CHCHD6: variants seen among roughly 807,000 people sequenced by gnomAD.
CHCHD6 encodes the protein coiled-coil-helix-coiled-coil-helix domain containing 6, also known as MICOS complex subunit MIC25.
CHCHD6 carries 28 observed loss-of-function variants against 32.3 expected under a neutral mutation model. That is an observed-to-expected ratio of 0.87 (90% CI 0.64 to 1.19). The LOEUF is 1.19. CHCHD6 is among the 50% of genes most tolerant of loss of function. The pLI is 0.00. For missense variants in CHCHD6, 333 were observed against 307.0 expected, an observed-to-expected ratio of 1.08 and a Z score of -0.63; for synonymous variants, 122 against 117.5, an observed-to-expected ratio of 1.04 and a Z score of -0.25.
intron 4 of CHCHD6, among the ~76,000 whole-genome samples, chr3:126,744,072 C>G (rs1220244696): frequency 1.3e-5 from 2 of 152,264 alleles, no homozygotes; most frequent in East Asian, 3.9e-4. Flanking sequence ...GTGTGTGGAT[C>G]AAGTGGGGCA....
rs756724510 is a variant in CHCHD6, at chr3:126,704,448, G to C, written c.87+49G>C. On this transcript the variant is annotated intron_variant, in intron 1 of 7. Transcript: ENST00000290913. ...GGCGGGCGTGGAGGCCGCGGGCGCG[G>C]GGGGGAGGTGCGGGGCGGAGCGCAG... 9.6e-5 allele frequency: 120 copies of C among 1,250,786 alleles called. 1 individual carries two copies. Among genetic ancestry groups the C allele is most frequent in the Middle Eastern group, 8.6e-4 (3 of 3,478 alleles). The allele number at this position is 1,250,786 out of a possible 1,614,324, so 77.5% of individuals were successfully genotyped here. A position where few individuals can be genotyped will look rare whatever the true frequency, so the allele number is the denominator to read the frequency against.
intron 4 of CHCHD6, among the ~76,000 whole-genome samples, chr3:126,783,763 C>T (rs578140631): frequency 1.3e-5 from 2 of 149,710 alleles, no homozygotes; most frequent in East Asian, 3.9e-4. Flanking sequence ...TTTTGATCAG[C>T]AGCTGTGATC....
chr3:126,752,530 T>C (rs1936769798), intron 4 of CHCHD6, among the ~76,000 whole-genome samples: 1 of 152,196 alleles, frequency 6.6e-6, no homozygotes, highest in Non-Finnish European at 1.5e-5. Context: ...CTGGTAGCTT[T>C]GAGACTGATT....
At chr3:126,935,529 A>G (rs1296585380) in intron 6 of CHCHD6, among the ~76,000 whole-genome samples, 1 of 152,342 alleles carries the variant, frequency 6.6e-6, no homozygotes, top group East Asian at 1.9e-4. Flanking sequence ...TGGGATAGCT[A>G]TTGTAACAGA....
chr3:126,791,127 G>A (rs1252779210), intron 4 of CHCHD6, among the ~76,000 whole-genome samples: 1 of 152,248 alleles, frequency 6.6e-6, no homozygotes, highest in African/African-American at 2.4e-5. Context: ...AGTGGAGGCT[G>A]CAGAACAGCA....
At chr3:126,803,976 C>G (rs1049161634) in intron 4 of CHCHD6, among the ~76,000 whole-genome samples, 2 of 152,038 alleles carry the variant, frequency 1.3e-5, no homozygotes, top group Admixed American at 6.5e-5. Flanking sequence ...GGATACATAA[C>G]GAAATGAAGG....
At chr3:126,783,541 G>C (rs1938052392) in intron 4 of CHCHD6, among the ~76,000 whole-genome samples, 1 of 152,208 alleles carries the variant, frequency 6.6e-6, no homozygotes, top group South Asian at 2.1e-4. Flanking sequence ...CTTATATATA[G>C]AAGTTCCTAA....
At chr3:126,857,187 C>A (rs969791300) in intron 5 of CHCHD6, among the ~76,000 whole-genome samples, 1 of 152,132 alleles carries the variant, frequency 6.6e-6, no homozygotes, top group Non-Finnish European at 1.5e-5. Context: ...AGGGAGATGC[C>A]GAGGATTAGG....
chr3:126,935,577 T>G (rs187159363), intron 6 of CHCHD6, among the ~76,000 whole-genome samples: 69 of 152,374 alleles, frequency 4.5e-4, no homozygotes, highest in African/African-American at 1.6e-3. Context: ...CTATGCAGAT[T>G]CCTGCTACAT....
intron 6 of CHCHD6, 93 bp from the exon 7 acceptor site, chr3:126,957,323 C>A: frequency 2.1e-6 from 3 of 1,433,600 alleles, no homozygotes; most frequent in Non-Finnish European, 2.9e-6. Flanking sequence ...CTTAGCCTAG[C>A]GCCTGGGAGG....
rs188739128 is a variant in CHCHD6 at position 126,814,990 on chromosome 3, A to C, written c.412-37657A>C. On this transcript the variant is annotated intron_variant, in intron 4 of 7. Transcript: ENST00000290913. ...ATACCCAGCTAGCGTCTGCTGTAGA[A>C]TTAATTGTTTGTTTACTGATGGGGA... Among the ~76,000 whole-genome samples, 10 of 152,306 alleles carry C rather than the reference A, an allele frequency of 6.6e-5. No individual in the cohort carries two copies. The East Asian group carries it at 1.5e-3, about 24-fold the overall frequency.
intron 6 of CHCHD6, among the ~76,000 whole-genome samples, chr3:126,931,641 C>T (rs988386135): frequency 1.3e-5 from 2 of 152,164 alleles, no homozygotes; most frequent in Non-Finnish European, 2.9e-5. Flanking sequence ...GCCAAACACT[C>T]CCCTTTCTTC....
intron 5 of CHCHD6, among the ~76,000 whole-genome samples, chr3:126,875,392 C>T (rs1299853559): frequency 6.6e-6 from 1 of 152,242 alleles, no homozygotes; most frequent in African/African-American, 2.4e-5. Flanking sequence ...ACACCTGGGA[C>T]TGTTGGGGAG....
At chr3:126,888,249 A>G (rs970767408) in intron 5 of CHCHD6, among the ~76,000 whole-genome samples, 3 of 151,942 alleles carry the variant, frequency 2.0e-5, no homozygotes, top group Non-Finnish European at 4.4e-5. Context: ...GACTGCCTGC[A>G]TCTCAGCTTC....
chr3:126,784,036 C>T (rs1030785532), intron 4 of CHCHD6, among the ~76,000 whole-genome samples: 4 of 152,156 alleles, frequency 2.6e-5, no homozygotes, highest in African/African-American at 7.2e-5. Flanking sequence ...CTGTTGACCT[C>T]TCCTGGAGAC....
intron 4 of CHCHD6, among the ~76,000 whole-genome samples, chr3:126,745,597 G>A (rs113863000): frequency 0.02 from 3,006 of 152,288 alleles, 48 homozygotes; most frequent in Middle Eastern, 0.044. Flanking sequence ...AAGGGACAGC[G>A]AACAGAGTGC....
intron 5 of CHCHD6, among the ~76,000 whole-genome samples, chr3:126,866,638 T>C (rs183846909): frequency 2.7e-4 from 41 of 152,352 alleles, no homozygotes; most frequent in Admixed American, 4.6e-4. Context: ...CTCAGAGGAT[T>C]GTTTGAATCT....
At chr3:126,718,913 G>T (rs1392836782) in intron 1 of CHCHD6, among the ~76,000 whole-genome samples, 1 of 152,152 alleles carries the variant, frequency 6.6e-6, no homozygotes, top group East Asian at 1.9e-4. Context: ...GTATTTTGTG[G>T]CAACATAAAA....
intron 6 of CHCHD6, among the ~76,000 whole-genome samples, chr3:126,915,951 C>G (rs748831547): frequency 7.3e-5 from 9 of 122,480 alleles, no homozygotes; most frequent in Non-Finnish European, 1.3e-4. Flanking sequence ...CCACGCCCAG[C>G]TAATTTTTGT....
Sources: allele counts gnomAD v4.1 joint callset (sites outside exome capture counted in the v4.1 genomes callset), GRCh38; gene constraint gnomAD v4.1.1; transcripts MANE v1.5; gene names NCBI Gene and HGNC (gene_info 2026-07-23, HGNC 2026-07-21).